Variants in ROBO2 observed in about 807,000 individuals in gnomAD.
ROBO2 encodes roundabout guidance receptor 2, also known as roundabout homolog 2.
In ROBO2, 53 loss-of-function variants were observed where a neutral mutation model predicts 160.8. The observed-to-expected ratio is 0.33, with a 90% CI of 0.26 to 0.41. ROBO2 has a LOEUF of 0.41. ROBO2 is among the 10% of genes least tolerant of loss of function. The pLI is 1.00. For synonymous variants in ROBO2, 664 were observed against 611.7 expected (o/e 1.09, Z -1.26); for missense variants, 1,577 against 1,722.4 (o/e 0.92, Z 1.49).
At chr3:77,576,816 T>C (rs1165019417) in intron 14 of ROBO2, among the ~76,000 whole-genome samples, 1 of 152,132 alleles carries the variant, frequency 6.6e-6, no homozygotes, top group Non-Finnish European at 1.5e-5. Context: ...TGCGGGTCAA[T>C]TTATAGCAGT....
intron 2 of ROBO2, among the ~76,000 whole-genome samples, chr3:76,270,963 A>G (rs1207588774): frequency 6.6e-6 from 1 of 152,102 alleles, no homozygotes; most frequent in African/African-American, 2.4e-5. Context: ...GGTTTTTTCC[A>G]TGCTGAATCA....
At chr3:77,278,751 G>A (rs544990088) in intron 2 of ROBO2, among the ~76,000 whole-genome samples, 40 of 152,148 alleles carry the variant, frequency 2.6e-4, no homozygotes, top group African/African-American at 9.6e-4. Context: ...ACTAATTTTT[G>A]CTTCACTTTT....
chr3:76,600,864 G>A (rs1047117570), intron 2 of ROBO2, among the ~76,000 whole-genome samples: 3 of 152,080 alleles, frequency 2.0e-5, no homozygotes, highest in Admixed American at 6.5e-5. Context: ...AAAGTCCACA[G>A]TCCAAAGTCT....
rs199578901 is a variant in ROBO2 at position 77,287,305 on chromosome 3, AT to A, written c.388+188974del. On this transcript the variant is annotated intron_variant, in intron 2 of 25. Coordinates refer to ENST00000461745, the Ensembl canonical transcript of ROBO2. ...CAACATGCTTTTTAAATTGATAGTTATTTTTTTTTAACATCGTTTATCTTTC... is the reference window on the plus strand; with the variant it reads ...CAACATGCTTTTTAAATTGATAGTTATTTTTTTTAACATCGTTTATCTTTC... Among the ~76,000 whole-genome samples, 16 of 76,152 alleles carry A rather than the reference AT, an allele frequency of 2.1e-4. 1 individual carries two copies. The highest frequency in any genetic ancestry group is 4.7e-4 in the South Asian group (1 of 2,126). The allele number at this position is 76,152 out of a possible 152,430, so 50.0% of individuals were successfully genotyped here.
intron 2 of ROBO2, among the ~76,000 whole-genome samples, chr3:76,610,127 T>C (rs1431854756): frequency 6.6e-6 from 1 of 152,204 alleles, no homozygotes; most frequent in East Asian, 1.9e-4. Flanking sequence ...TTGAGGATTT[T>C]TGCATCGATG....
At chr3:76,644,639 G>T (rs2090879305) in intron 2 of ROBO2, among the ~76,000 whole-genome samples, 1 of 152,000 alleles carries the variant, frequency 6.6e-6, no homozygotes, top group Non-Finnish European at 1.5e-5. Context: ...AATACTTTTG[G>T]TGGCCACATA....
chr3:76,702,673 TATATA>T (rs2093071751), intron 2 of ROBO2, among the ~76,000 whole-genome samples: 1 of 152,020 alleles, frequency 6.6e-6, no homozygotes. Flanking sequence ...AAATGAACGT[TATATA>T]ATAATAATAA....
At chr3:77,214,868 G>T (rs1478388995) in intron 2 of ROBO2, among the ~76,000 whole-genome samples, 1 of 152,086 alleles carries the variant, frequency 6.6e-6, no homozygotes, top group Non-Finnish European at 1.5e-5. Context: ...TGAAAGTCTG[G>T]GTTGAAAATT....
At chr3:77,317,252 T>G in intron 2 of ROBO2, 1 of 780,922 alleles carries the variant, frequency 1.3e-6, no homozygotes, top group South Asian at 1.4e-5. Context: ...TGCTCCCACT[T>G]GCACCCTGTC....
At chr3:77,327,382 TG>T (rs1225682246) in intron 2 of ROBO2, among the ~76,000 whole-genome samples, 1 of 152,184 alleles carries the variant, frequency 6.6e-6, no homozygotes, top group Non-Finnish European at 1.5e-5. Context: ...CTGGGAGTAG[TG>T]TGCTGGAGAT....
At chr3:76,736,621 A>G (rs2093717909) in intron 2 of ROBO2, among the ~76,000 whole-genome samples, 1 of 152,218 alleles carries the variant, frequency 6.6e-6, no homozygotes, top group Non-Finnish European at 1.5e-5. Flanking sequence ...AGTAAGTAAC[A>G]TTTATAAATA....
intron 1 of ROBO2, among the ~76,000 whole-genome samples, chr3:77,084,319 C>T (rs1025936660): frequency 6.6e-6 from 1 of 152,038 alleles, no homozygotes. Flanking sequence ...GTATACTTTT[C>T]ATTTTCTTCC....
intron 2 of ROBO2, among the ~76,000 whole-genome samples, chr3:75,982,035 G>A (rs113527631): frequency 0.03 from 4,499 of 151,232 alleles, 210 homozygotes; most frequent in African/African-American, 0.097. Flanking sequence ...TTGTCTTTCT[G>A]TGCCTGGCTT....
intron 2 of ROBO2, among the ~76,000 whole-genome samples, chr3:76,521,138 T>G (rs2081593578): frequency 6.7e-6 from 1 of 148,678 alleles, no homozygotes; most frequent in Admixed American, 6.9e-5. Context: ...AACCTTTGCC[T>G]TTCGGGTTCA....
At chr3:77,307,485 T>C (rs1658393844) in intron 2 of ROBO2, among the ~76,000 whole-genome samples, 1 of 152,130 alleles carries the variant, frequency 6.6e-6, no homozygotes, top group Admixed American at 6.6e-5. Context: ...ACCAAGGACA[T>C]GTTTCTTTCA....
intron 2 of ROBO2, among the ~76,000 whole-genome samples, chr3:77,108,327 T>TATATATATATGTATACACATATGC: frequency 2.6e-5 from 4 of 151,034 alleles, no homozygotes; most frequent in African/African-American, 9.7e-5. Flanking sequence ...CACATATGCA[T>TATATATATATGTATACACATATGC]ATATATATAT....
At chr3:76,074,845 A>G (rs561018952) in intron 2 of ROBO2, among the ~76,000 whole-genome samples, 1 of 152,324 alleles carries the variant, frequency 6.6e-6, no homozygotes, top group South Asian at 2.1e-4. Context: ...TAAATTGATC[A>G]AAAAATGGTA....
chr3:77,380,541 T>A (rs1172155469), intron 2 of ROBO2, among the ~76,000 whole-genome samples: 2 of 152,172 alleles, frequency 1.3e-5, no homozygotes, highest in Admixed American at 1.3e-4. Flanking sequence ...AAGACGGGAT[T>A]TTTTTTAGAA....
intron 2 of ROBO2, among the ~76,000 whole-genome samples, chr3:76,033,717 T>C (rs982411539): frequency 1.3e-5 from 2 of 152,180 alleles, no homozygotes; most frequent in African/African-American, 4.8e-5. Context: ...CATGATTGAA[T>C]GGTTTTGGCT....
Sources: gnomAD v4.1 joint callset for allele counts (sites outside exome capture counted in the v4.1 genomes callset) on GRCh38, gnomAD v4.1.1 for gene constraint, MANE v1.5 for transcripts, NCBI Gene and HGNC (gene_info 2026-07-23, HGNC 2026-07-21) for gene names.